The following SEMA3A variants were observed in gnomAD, a reference collection of about 807,000 sequenced individuals.
SEMA3A encodes semaphorin 3A.
A neutral mutation model predicts 97.9 loss-of-function variants in SEMA3A; 29 were observed. The observed-to-expected ratio is 0.30, with a 90% CI of 0.22 to 0.40. SEMA3A has a LOEUF of 0.40. Ranked by LOEUF, SEMA3A falls within the 10% of genes least tolerant of loss-of-function variation. The pLI is 1.00. For missense variants in SEMA3A, 763 were observed against 951.3 expected (o/e 0.80, Z 2.60); for synonymous variants, 321 against 323.7 (o/e 0.99, Z 0.09).
chr7:84,382,158 T>G (rs1451482581), intron 1 of SEMA3A, among the ~76,000 whole-genome samples: 1 of 152,046 alleles, frequency 6.6e-6, no homozygotes, highest in Non-Finnish European at 1.5e-5. Flanking sequence ...CCCAGACTAG[T>G]GTGCAGTGGC....
At chr7:84,409,431 A>T (rs1303476391) in intron 1 of SEMA3A, among the ~76,000 whole-genome samples, 1 of 152,064 alleles carries the variant, frequency 6.6e-6, no homozygotes, top group Admixed American at 6.6e-5. Flanking sequence ...ATACATACAA[A>T]TCCCAATTGC....
chr7:84,157,179 T>C (rs1233346432), intron 1 of SEMA3A, among the ~76,000 whole-genome samples: 1 of 152,194 alleles, frequency 6.6e-6, no homozygotes, highest in East Asian at 1.9e-4. Context: ...CTTTGTGTAT[T>C]AAAGTCTGCT....
At chr7:84,110,396 A>C in intron 4 of SEMA3A, 74 bp downstream of exon 4, 1 of 1,546,286 alleles carries the variant, frequency 6.5e-7, no homozygotes, top group Non-Finnish European at 8.9e-7. Flanking sequence ...AAATAAACTG[A>C]AGAAATTAGT....
intron 3 of SEMA3A, among the ~76,000 whole-genome samples, chr7:84,275,814 A>C (rs749138490): frequency 6.6e-6 from 1 of 152,072 alleles, no homozygotes; most frequent in Non-Finnish European, 1.5e-5. Context: ...AGGAATGTAA[A>C]ATATTTCATT....
intron 6 of SEMA3A, among the ~76,000 whole-genome samples, chr7:84,037,544 G>A (rs17158540): frequency 0.19 from 29,071 of 151,968 alleles, 3,018 homozygotes; most frequent in East Asian, 0.41. Context: ...ATAATTCAGA[G>A]AAATCTGTAA....
At chr7:84,446,283 C>G (rs1443580937) in intron 1 of SEMA3A, among the ~76,000 whole-genome samples, 3 of 152,096 alleles carry the variant, frequency 2.0e-5, no homozygotes, top group Non-Finnish European at 4.4e-5. Flanking sequence ...TTAAAGAACA[C>G]AAATCTTTCT....
intron 3 of SEMA3A, among the ~76,000 whole-genome samples, chr7:84,117,605 T>C (rs748539551): frequency 5.3e-5 from 8 of 152,212 alleles, no homozygotes; most frequent in African/African-American, 9.6e-5. Flanking sequence ...GAACTGTGCA[T>C]ACAAGGGATC....
At chr7:84,244,080 G>T (rs766456436) in intron 3 of SEMA3A, among the ~76,000 whole-genome samples, 25 of 152,222 alleles carry the variant, frequency 1.6e-4, no homozygotes, top group South Asian at 2.1e-4. Flanking sequence ...TGTTGATTTG[G>T]GGTGGAGAGT....
At chr7:84,413,026 T>TC (rs1804314911) in intron 1 of SEMA3A, among the ~76,000 whole-genome samples, 1 of 152,128 alleles carries the variant, frequency 6.6e-6, no homozygotes, top group Non-Finnish European at 1.5e-5. Context: ...TTTCTATTTT[T>TC]GGAAGGAAAT....
At chr7:84,143,679 GATCCC>G (rs1796366515) in intron 1 of SEMA3A, among the ~76,000 whole-genome samples, 1 of 151,194 alleles carries the variant, frequency 6.6e-6, no homozygotes, top group Admixed American at 6.6e-5. Context: ...AACATAGCAA[GATCCC>G]ATCTCTACTT....
rs774830256 is a variant in SEMA3A at position 84,046,313 on chromosome 7, A to T, written c.667+11T>A. The T allele has an allele frequency of 6.2e-7, 1 of 1,612,238 alleles. No individual in the cohort carries two copies. The highest frequency in any genetic ancestry group is 1.7e-5 in the Admixed American group (1 of 59,752). On this transcript the variant is annotated intron_variant, in intron 6 of 16. Coordinates refer to ENST00000265362, the MANE Select transcript of SEMA3A (RefSeq NM_006080.3). Reference sequence around the variant, plus strand: ...ATGTTACATGTCTATGTTCTTTCATAAACCACCTACCATTGAGCCACCTGG... The same window carrying T: ...ATGTTACATGTCTATGTTCTTTCATTAACCACCTACCATTGAGCCACCTGG...
At chr7:84,136,740 A>G (rs1267932820) in intron 1 of SEMA3A, among the ~76,000 whole-genome samples, 2 of 151,954 alleles carry the variant, frequency 1.3e-5, no homozygotes, top group Non-Finnish European at 2.9e-5. Context: ...TTTTCATATT[A>G]CCTGGTCAAC....
intron 2 of SEMA3A, among the ~76,000 whole-genome samples, chr7:84,349,357 T>C (rs1802381335): frequency 6.6e-6 from 1 of 152,218 alleles, no homozygotes; most frequent in Admixed American, 6.5e-5. Context: ...TCCTCAAATA[T>C]GGTAGGTACT....
intron 15 of SEMA3A, among the ~76,000 whole-genome samples, chr7:83,972,779 G>A (rs1361145761): frequency 2.0e-5 from 3 of 152,086 alleles, no homozygotes; most frequent in African/African-American, 7.2e-5. Context: ...AGACTTCAAT[G>A]GAGAATAATG....
At chr7:83,972,019 G>GTCTATATA (rs1719779499) in intron 15 of SEMA3A, among the ~76,000 whole-genome samples, 3 of 36,520 alleles carry the variant, frequency 8.2e-5, no homozygotes, top group Non-Finnish European at 1.4e-4. Context: ...ATATACGTGT[G>GTCTATATA]TGTCTATATA....
Position 83,970,947 on chromosome 7 carries a change from T to A in SEMA3A, c.1717+6185A>T, listed in dbSNP as rs117883236. Reference sequence around the variant, plus strand: ...TTTCTCATTGGACTCTACATGATTTTCTGCAGAAATACAATAGATGCTCTA... The same window carrying A: ...TTTCTCATTGGACTCTACATGATTTACTGCAGAAATACAATAGATGCTCTA... On this transcript the variant is annotated intron_variant, in intron 15 of 16. Coordinates refer to ENST00000265362, the MANE Select transcript of SEMA3A (RefSeq NM_006080.3). Among the ~76,000 whole-genome samples the A allele has an allele frequency of 8.8e-4, 134 of 152,324 alleles. 3 individuals are homozygous for A. The East Asian group carries it at 0.016, about 18-fold the overall frequency.
At position 83,961,615 on chromosome 7, in the gene SEMA3A, A is replaced by G. The variant is rs1316249373; in HGVS notation, c.2072T>C (p.Met691Thr). 1 of 1,613,932 alleles carries G rather than the reference A, an allele frequency of 6.2e-7. No homozygotes were observed. The highest frequency in any genetic ancestry group is 2.2e-5 in the East Asian group (1 of 44,884). ...DDGDGSKTKE[M>T]SNSMTPSQKV... ...CTGGCTAGGTGTCATGCTATTGGAC[A>G]TTTCTTTGGTCTTAGAGCCATCTCC... is the stretch of plus-strand genomic sequence containing the variant. Residue 691 changes from methionine (M) to threonine (T), a missense_variant, in exon 17 of 17, where the codon ATG (methionine) becomes ACG (threonine). Physicochemically the swap from Met to Thr is moderately conservative, Grantham distance 81. Transcript: ENST00000265362.
intron 2 of SEMA3A, among the ~76,000 whole-genome samples, chr7:84,336,078 C>A (rs925968684): frequency 6.6e-6 from 1 of 152,052 alleles, no homozygotes; most frequent in Admixed American, 6.6e-5. Flanking sequence ...ACAGCATGAT[C>A]TTCTTTAAAA....
chr7:84,160,634 T>A (rs1179554852), intron 1 of SEMA3A, among the ~76,000 whole-genome samples: 1 of 151,838 alleles, frequency 6.6e-6, no homozygotes, highest in Non-Finnish European at 1.5e-5. Flanking sequence ...ATCCCAGCAC[T>A]TTGGGAGGCC....
Sources: allele counts gnomAD v4.1 joint callset (sites outside exome capture counted in the v4.1 genomes callset), GRCh38; gene constraint gnomAD v4.1.1; transcripts MANE v1.5; gene names NCBI Gene and HGNC (gene_info 2026-07-23, HGNC 2026-07-21).